RALYL: variants seen among roughly 807,000 people sequenced by gnomAD.
RALYL encodes the protein RNA-binding Raly-like protein.
In RALYL, 29 loss-of-function variants were observed where a neutral mutation model predicts 35.1. The observed-to-expected ratio is 0.83, with a 90% CI of 0.61 to 1.13. The LOEUF is 1.13. Ranked by LOEUF, RALYL falls within the 50% of genes most tolerant of loss-of-function variation. The pLI, the probability that RALYL is intolerant of heterozygous loss-of-function variation, is 0.00. For missense variants in RALYL, 359 were observed against 360.4 expected (o/e 1.00, Z 0.03); for synonymous variants, 120 against 127.6 (o/e 0.94, Z 0.40).
chr8:84,680,873 T>C, intron 2 of RALYL, among the ~76,000 whole-genome samples: 1 of 152,060 alleles, frequency 6.6e-6, no homozygotes, highest in Non-Finnish European at 1.5e-5. Context: ...CATTTGTCAA[T>C]TTTGGCTTTT....
At chr8:84,736,679 A>C (rs906115501) in intron 2 of RALYL, among the ~76,000 whole-genome samples, 1 of 152,060 alleles carries the variant, frequency 6.6e-6, no homozygotes, top group Non-Finnish European at 1.5e-5. Flanking sequence ...GGTGATTCAC[A>C]ATTACATTTG....
At chr8:84,647,470 A>G (rs1391032424) in intron 2 of RALYL, among the ~76,000 whole-genome samples, 1 of 152,118 alleles carries the variant, frequency 6.6e-6, no homozygotes, top group Admixed American at 6.6e-5. Context: ...ATTCAAATCT[A>G]TCTACATGAT....
chr8:84,550,956 T>C (rs536167615), intron 2 of RALYL, among the ~76,000 whole-genome samples: 20 of 152,058 alleles, frequency 1.3e-4, no homozygotes, highest in African/African-American at 4.6e-4. Context: ...GGTATAAATA[T>C]AAACTTACAT....
intron 2 of RALYL, among the ~76,000 whole-genome samples, chr8:84,689,917 A>C (rs1291145572): frequency 6.6e-6 from 1 of 152,190 alleles, no homozygotes; most frequent in Admixed American, 6.6e-5. Flanking sequence ...TGGAAAAAAA[A>C]CAGTTTTACA....
chr8:84,572,814 T>C (rs1384151373), intron 2 of RALYL, among the ~76,000 whole-genome samples: 8 of 151,746 alleles, frequency 5.3e-5, no homozygotes, highest in Non-Finnish European at 1.2e-4. Flanking sequence ...TATGGTTACA[T>C]TTAAATTTAC....
At chr8:84,472,557 T>A (rs2052910871) in intron 1 of RALYL, among the ~76,000 whole-genome samples, 3 of 152,148 alleles carry the variant, frequency 2.0e-5, no homozygotes, top group Non-Finnish European at 4.4e-5. Flanking sequence ...CTGGAATACA[T>A]AAAGTACAGC....
chr8:84,403,522 CTGTTTTTTTTTTT>C (rs1220535150), intron 1 of RALYL, among the ~76,000 whole-genome samples: 1 of 52,118 alleles, frequency 1.9e-5, no homozygotes, highest in African/African-American at 6.8e-5. Flanking sequence ...GTCTATATCT[CTGTTTTTTTTTTT>C]TTTTTTTTTT....
intron 4 of RALYL, among the ~76,000 whole-genome samples, chr8:84,823,648 TCTTA>T (rs897441107): frequency 3.9e-5 from 6 of 152,060 alleles, no homozygotes; most frequent in African/African-American, 1.2e-4. Flanking sequence ...TGCCTTCTTC[TCTTA>T]CTTTCTCTCT....
chr8:84,229,312 A>T (rs1263135667), intron 1 of RALYL, among the ~76,000 whole-genome samples: 1 of 152,210 alleles, frequency 6.6e-6, no homozygotes, highest in Non-Finnish European at 1.5e-5. Context: ...CATAAGAAAC[A>T]CAAGCAAGAT....
chr8:84,804,539 G>A (rs1354001446), intron 3 of RALYL, among the ~76,000 whole-genome samples: 1 of 152,108 alleles, frequency 6.6e-6, no homozygotes, highest in Admixed American at 6.6e-5. Context: ...TCAGTTAAAT[G>A]TTATGTCCTC....
chr8:84,702,590 C>T (rs1339377218), intron 2 of RALYL, among the ~76,000 whole-genome samples: 2 of 151,454 alleles, frequency 1.3e-5, no homozygotes, highest in Non-Finnish European at 1.5e-5. Context: ...TTCTCTCTTC[C>T]TCTTTCCCTC....
At chr8:84,223,451 G>T (rs1000842864) in intron 1 of RALYL, among the ~76,000 whole-genome samples, 1 of 152,028 alleles carries the variant, frequency 6.6e-6, no homozygotes, top group African/African-American at 2.4e-5. Flanking sequence ...GGAACGATGG[G>T]CAAGGACCAT....
chr8:84,338,436 G>T (rs1332251841), intron 1 of RALYL, among the ~76,000 whole-genome samples: 1 of 149,190 alleles, frequency 6.7e-6, no homozygotes, highest in African/African-American at 2.5e-5. Flanking sequence ...ACAAATCTAA[G>T]AGGATAAAAT....
chr8:84,770,577 G>A (rs188450757), intron 2 of RALYL, among the ~76,000 whole-genome samples: 21 of 152,278 alleles, frequency 1.4e-4, no homozygotes, highest in African/African-American at 5.1e-4. Flanking sequence ...TAGTGGGGCT[G>A]CTGGATCAAA....
chr8:84,347,598 C>T (rs988196239), intron 1 of RALYL, among the ~76,000 whole-genome samples: 28 of 152,222 alleles, frequency 1.8e-4, no homozygotes, highest in African/African-American at 6.5e-4. Context: ...CTTCTCGTCT[C>T]TCAAACTAGT....
intron 2 of RALYL, among the ~76,000 whole-genome samples, chr8:84,626,293 G>T (rs970921868): frequency 4.6e-5 from 7 of 152,182 alleles, no homozygotes; most frequent in African/African-American, 1.7e-4. Context: ...GCATTTGTGC[G>T]CCTGCATTGT....
chr8:84,501,870 A>T (rs925817741), intron 1 of RALYL, among the ~76,000 whole-genome samples: 3 of 150,584 alleles, frequency 2.0e-5, no homozygotes, highest in South Asian at 4.1e-4. Context: ...ATATCATATT[A>T]TGTTATTCAT....
At chr8:84,730,436 T>A (rs1845932337) in intron 2 of RALYL, among the ~76,000 whole-genome samples, 1 of 152,142 alleles carries the variant, frequency 6.6e-6, no homozygotes. Flanking sequence ...TCATACTGAA[T>A]GGGCAAAAAC....
chr8:84,735,005 TTGTGTGTGTGTG>T (rs3068131), intron 2 of RALYL, among the ~76,000 whole-genome samples: 9 of 146,570 alleles, frequency 6.1e-5, no homozygotes, highest in East Asian at 2.0e-4. Flanking sequence ...ATAGATATGT[TTGTGTGTGTGTG>T]TGTGTGTGTG....
Sources: allele counts gnomAD v4.1 joint callset (sites outside exome capture counted in the v4.1 genomes callset), GRCh38; gene constraint gnomAD v4.1.1; transcripts MANE v1.5; gene names NCBI Gene and HGNC (gene_info 2026-07-23, HGNC 2026-07-21).